The following SENP7 variants were observed in gnomAD, a reference collection of about 807,000 sequenced individuals.
SENP7 encodes SUMO specific peptidase 7.
SENP7 carries 64 observed loss-of-function variants against 141.2 expected under a neutral mutation model. The observed-to-expected ratio is 0.45, with a 90% CI of 0.37 to 0.56. SENP7 has a LOEUF of 0.56. Among genes scored for constraint, SENP7 ranks in the 20% least tolerant of loss-of-function variants. The pLI, the probability that SENP7 is intolerant of heterozygous loss-of-function variation, is 0.00. For missense variants in SENP7, 1,025 were observed against 1,212.2 expected (o/e 0.85, Z 2.29); for synonymous variants, 382 against 426.4 (o/e 0.90, Z 1.28).
At chr3:101,443,156 C>G (rs968635545) in intron 4 of SENP7, among the ~76,000 whole-genome samples, 2 of 152,144 alleles carry the variant, frequency 1.3e-5, no homozygotes, top group African/African-American at 2.4e-5. Context: ...CCAGTTTCAG[C>G]TTTCTACATA....
intron 11 of SENP7, chr3:101,357,610 T>C (rs1469811887): frequency 5.2e-6 from 5 of 970,780 alleles, no homozygotes; most frequent in Non-Finnish European, 6.4e-6. Context: ...AAAGTGTGGA[T>C]GAGTGTAAGG....
chr3:101,415,487 A>G (rs1559791657), intron 5 of SENP7, among the ~76,000 whole-genome samples: 1 of 152,080 alleles, frequency 6.6e-6, no homozygotes, highest in Non-Finnish European at 1.5e-5. Flanking sequence ...AGGAATGAAC[A>G]GTAAAAGAGG....
At chr3:101,448,785 G>A (rs2062998777) in intron 4 of SENP7, among the ~76,000 whole-genome samples, 1 of 152,168 alleles carries the variant, frequency 6.6e-6, no homozygotes, top group Non-Finnish European at 1.5e-5. Flanking sequence ...AAAAAACAGA[G>A]CAGAAAAACT....
intron 5 of SENP7, among the ~76,000 whole-genome samples, chr3:101,410,542 G>A (rs1415718141): frequency 6.6e-6 from 1 of 152,126 alleles, no homozygotes; most frequent in Non-Finnish European, 1.5e-5. Flanking sequence ...CCATCAACAA[G>A]TGGATAAAGA....
intron 3 of SENP7, among the ~76,000 whole-genome samples, chr3:101,467,415 G>A (rs896038100): frequency 2.6e-5 from 4 of 152,250 alleles, no homozygotes; most frequent in African/African-American, 9.6e-5. Context: ...GCCTAACTGG[G>A]AGACGCCTCC....
chr3:101,463,369 ATATATATATATATATATATATATAT>A (rs1559864781), intron 3 of SENP7, among the ~76,000 whole-genome samples: 821 of 80,568 alleles, frequency 0.01, 17 homozygotes, highest in African/African-American at 0.031. Context: ...AAATAAATAT[ATATATATATATATATATATATATAT>A]ATACATATAT....
intron 11 of SENP7, chr3:101,359,032 C>G (rs1398586019): frequency 6.6e-6 from 1 of 151,998 alleles, no homozygotes; most frequent in African/African-American, 2.4e-5. Flanking sequence ...ACACCTCCAA[C>G]TTTGCAATAC....
chr3:101,392,337 A>G (rs2060839807), intron 6 of SENP7, among the ~76,000 whole-genome samples: 1 of 152,204 alleles, frequency 6.6e-6, no homozygotes, highest in African/African-American at 2.4e-5. Flanking sequence ...TCCATCCAAA[A>G]ACTAATAAAT....
chr3:101,382,055 T>C (rs2060517263), intron 6 of SENP7, among the ~76,000 whole-genome samples: 1 of 152,230 alleles, frequency 6.6e-6, no homozygotes, highest in South Asian at 2.1e-4. Flanking sequence ...ATTAGAGTCT[T>C]GCAATTTAAA....
upstream of SENP7, chr3:101,513,212 GGAAAAAAAAAAAAAAAA>G (rs1182977739): frequency 0.053 from 7,193 of 135,750 alleles, 253 homozygotes; most frequent in Middle Eastern, 0.084. Context: ...GGAGGGGAAA[GGAAAAAAAAAAAAAAAA>G]AAAAAAAAAA....
chr3:101,450,943 G>T (rs1485084365), intron 4 of SENP7, among the ~76,000 whole-genome samples: 1 of 151,928 alleles, frequency 6.6e-6, no homozygotes, highest in African/African-American at 2.4e-5. Flanking sequence ...TTTTTGAAAA[G>T]ATCAACAAAA....
At chr3:101,339,321 T>G (rs1293116385) in intron 16 of SENP7, among the ~76,000 whole-genome samples, 1 of 152,166 alleles carries the variant, frequency 6.6e-6, no homozygotes, top group African/African-American at 2.4e-5. Context: ...CTGTTGGGAA[T>G]CTAGGTCTAG....
chr3:101,335,471 C>T (rs2059159326), intron 17 of SENP7, among the ~76,000 whole-genome samples: 1 of 152,096 alleles, frequency 6.6e-6, no homozygotes, highest in Non-Finnish European at 1.5e-5. Flanking sequence ...GAATGCTTAA[C>T]AGACCAAGCA....
chr3:101,357,386 G>A, intron 11 of SENP7: 1 of 708,288 alleles, frequency 1.4e-6, no homozygotes, highest in Admixed American at 2.1e-5. Flanking sequence ...TGGTATTGTT[G>A]TCTCTAAGCC....
At chr3:101,487,033 A>G (rs751427504) in intron 3 of SENP7, among the ~76,000 whole-genome samples, 1 of 152,232 alleles carries the variant, frequency 6.6e-6, no homozygotes, top group African/African-American at 2.4e-5. Context: ...TGGGCATTAT[A>G]TAATGGTAAA....
chr3:101,475,522 A>C (rs1030033054), intron 3 of SENP7, among the ~76,000 whole-genome samples: 1 of 152,150 alleles, frequency 6.6e-6, no homozygotes, highest in Non-Finnish European at 1.5e-5. Flanking sequence ...ACTGGTGGGG[A>C]ATAATACACA....
chr3:101,472,692 C>T (rs1220572906), intron 3 of SENP7, among the ~76,000 whole-genome samples: 1 of 151,708 alleles, frequency 6.6e-6, no homozygotes, highest in African/African-American at 2.4e-5. Flanking sequence ...TAAAGGTAAA[C>T]AATAAAAGAA....
intron 5 of SENP7, among the ~76,000 whole-genome samples, chr3:101,410,366 C>T (rs4683899): frequency 0.68 from 103,548 of 152,002 alleles, 35,775 homozygotes; most frequent in African/African-American, 0.78. Flanking sequence ...GAAAACAGTG[C>T]GGAGATTCCT....
intron 3 of SENP7, among the ~76,000 whole-genome samples, chr3:101,475,544 C>T (rs2064181589): frequency 6.6e-6 from 1 of 151,978 alleles, no homozygotes; most frequent in Non-Finnish European, 1.5e-5. Flanking sequence ...TGGAGCCTGT[C>T]AGGGGGACGA....
Sources: allele counts gnomAD v4.1 joint callset (sites outside exome capture counted in the v4.1 genomes callset), GRCh38; gene constraint gnomAD v4.1.1; transcripts MANE v1.5; gene names NCBI Gene and HGNC (gene_info 2026-07-23, HGNC 2026-07-21).